The following ZNF474 variants were observed in gnomAD, a reference collection of about 807,000 sequenced individuals.
ZNF474 encodes zinc finger protein 474, also known as 4933409D10Rik.
For missense variants in ZNF474, 511 were observed against 433.8 expected, an observed-to-expected ratio of 1.18 and a Z score of -1.58; for synonymous variants, 192 against 162.2, an observed-to-expected ratio of 1.18 and a Z score of -1.39.
chr5:122,141,314 T>C (rs1002120213), intron 1 of ZNF474, among the ~76,000 whole-genome samples: 2 of 134,880 alleles, frequency 1.5e-5, no homozygotes, highest in Non-Finnish European at 3.1e-5. Flanking sequence ...TTTTTTTTTT[T>C]TTTTTTTTTT....
chr5:122,142,723 G>A (rs1358395839), intron 1 of ZNF474, among the ~76,000 whole-genome samples: 8 of 152,150 alleles, frequency 5.3e-5, no homozygotes, highest in East Asian at 3.9e-4. Context: ...ATGATTCAGC[G>A]ATGTCAAATG....
At chr5:122,147,682 T>C (rs560453973) in intron 1 of ZNF474, among the ~76,000 whole-genome samples, 58 of 152,320 alleles carry the variant, frequency 3.8e-4, no homozygotes, top group African/African-American at 1.3e-3. Flanking sequence ...GCTTTATCCA[T>C]GTCCCTGCAA....
chr5:122,143,377 A>G (rs778835480), intron 1 of ZNF474, among the ~76,000 whole-genome samples: 1 of 152,222 alleles, frequency 6.6e-6, no homozygotes, highest in Non-Finnish European at 1.5e-5. Context: ...GAGTATAAAG[A>G]CAGTGGGAAC....
At chr5:122,149,114 C>T (rs542637079) in intron 1 of ZNF474, among the ~76,000 whole-genome samples, 2 of 152,054 alleles carry the variant, frequency 1.3e-5, no homozygotes, top group East Asian at 1.9e-4. Context: ...GTCAAGTACA[C>T]GTGGGCATAA....
chr5:122,147,270 C>T (rs1357071257), intron 1 of ZNF474, among the ~76,000 whole-genome samples: 2 of 152,190 alleles, frequency 1.3e-5, no homozygotes, highest in Non-Finnish European at 2.9e-5. Context: ...TCAGCCCCAA[C>T]TCCATCTTTC....
chr5:122,139,792 C>A (rs1302274305), intron 1 of ZNF474, among the ~76,000 whole-genome samples: 1 of 152,148 alleles, frequency 6.6e-6, no homozygotes, highest in African/African-American at 2.4e-5. Flanking sequence ...CACATCTGCA[C>A]GTTCCTGCCC....
In ZNF474 at chr5:122,129,600, G is replaced by A. The variant is rs1171275618; in HGVS notation, c.-296G>A. ...AGGAATGTGAATCTTGGAGCTCCCA[G>A]CTATTCTGTTCCTGTTTCTGTCAGC... On this transcript the variant is annotated 5_prime_UTR_variant, in exon 1 of 2. Coordinates refer to ENST00000296600, the MANE Select transcript of ZNF474 (RefSeq NM_207317.3). 2.0e-5 allele frequency: 3 copies of A among 152,180 alleles called. No individual in the cohort carries two copies. Among genetic ancestry groups the A allele is most frequent in the Non-Finnish European group, 4.4e-5 (3 of 68,032 alleles). The allele number at this position is 152,180 out of a possible 1,614,324, so 9.4% of individuals were successfully genotyped here.
At chr5:122,151,290 A>C (rs1756162278) in intron 1 of ZNF474, among the ~76,000 whole-genome samples, 1 of 152,222 alleles carries the variant, frequency 6.6e-6, no homozygotes, top group South Asian at 2.1e-4. Context: ...TGAGAAGTGC[A>C]TAGGCTTCAC....
chr5:122,138,893 A>G (rs1376816411), intron 1 of ZNF474, among the ~76,000 whole-genome samples: 1 of 152,174 alleles, frequency 6.6e-6, no homozygotes, highest in Non-Finnish European at 1.5e-5. Context: ...CTTGACAATC[A>G]AGTATACATA....
chr5:122,145,589 G>C (rs1328065116), intron 1 of ZNF474, among the ~76,000 whole-genome samples: 3 of 152,066 alleles, frequency 2.0e-5, no homozygotes, highest in African/African-American at 7.2e-5. Flanking sequence ...AAAAATACAA[G>C]CATGCTTAGA....
intron 1 of ZNF474, among the ~76,000 whole-genome samples, chr5:122,139,249 G>T (rs1755777324): frequency 6.6e-6 from 1 of 152,162 alleles, no homozygotes; most frequent in Admixed American, 6.5e-5. Flanking sequence ...GCATTTATGT[G>T]TGTTAAGCAG....
intron 1 of ZNF474, among the ~76,000 whole-genome samples, chr5:122,137,883 G>T (rs886583254): frequency 1.3e-5 from 2 of 152,168 alleles, no homozygotes; most frequent in African/African-American, 2.4e-5. Flanking sequence ...ATAGATGAGG[G>T]TTGAGAGCGG....
chr5:122,131,740 T>C (rs1561436031), intron 1 of ZNF474, among the ~76,000 whole-genome samples: 1 of 152,098 alleles, frequency 6.6e-6, no homozygotes, highest in Non-Finnish European at 1.5e-5. Flanking sequence ...ATAATTTGCA[T>C]ATTCCTGATG....
chr5:122,152,656 T>C lies in ZNF474; in HGVS notation c.666T>C (p.Val222=), dbSNP rs771051052. The change falls in exon 2 of 2, where the codon GTT becomes GTC. Residue 222 remains valine (V), a synonymous_variant. Transcript: ENST00000296600. ...CSGTPARPRT[V]ICYICGKEFG... ...GAACCCCAGCCCGACCAAGGACTGT[T>C]ATCTGCTACATATGTGGTAAGGAAT... The C allele has an allele frequency of 3.1e-6, 5 of 1,614,210 alleles. No homozygotes were observed. In the South Asian group the frequency reaches 3.3e-5, roughly 11 times the overall value.
chr5:122,130,666 A>G (rs1391301993), intron 1 of ZNF474, among the ~76,000 whole-genome samples: 3 of 152,010 alleles, frequency 2.0e-5, no homozygotes, highest in Non-Finnish European at 2.9e-5. Context: ...TTTTTCTCCT[A>G]ATTTTATTTT....
intron 1 of ZNF474, among the ~76,000 whole-genome samples, chr5:122,148,535 C>T (rs7715890): frequency 2.3e-3 from 352 of 152,214 alleles, no homozygotes; most frequent in African/African-American, 8.4e-3. Context: ...TTCACTTTTA[C>T]CCTGTGCCCA....
intron 1 of ZNF474, among the ~76,000 whole-genome samples, chr5:122,137,861 G>T (rs966082936): frequency 1.3e-5 from 2 of 152,234 alleles, no homozygotes; most frequent in African/African-American, 4.8e-5. Flanking sequence ...AAATGTGACT[G>T]CTCTGAAAAG....
Position 122,134,617 on chromosome 5 carries a change from G to A in ZNF474, c.-213+4934G>A, listed in dbSNP as rs533320025. 4.6e-5 allele frequency among the ~76,000 whole-genome samples: 7 copies of A among 152,272 alleles called. No individual in the cohort carries two copies. In the East Asian group the frequency reaches 5.8e-4, roughly 13 times the overall value. On this transcript the variant is annotated intron_variant, in intron 1 of 1. Transcript: ENST00000296600. ...AATTTTATTTACAAAAGAGCTGAACGATGGCCAGATTTATCCTGTAGGCCA... is the reference window on the plus strand; with the variant it reads ...AATTTTATTTACAAAAGAGCTGAACAATGGCCAGATTTATCCTGTAGGCCA...
Position 122,153,105 on chromosome 5 carries a change from C to T in ZNF474, c.*20C>T, listed in dbSNP as rs577628826. Reference sequence around the variant, plus strand: ...CTGTAGGGGAACAAGAGAAAACTATCCCCAGAATCAGCCACCTCAGCCCCT... The same window carrying T: ...CTGTAGGGGAACAAGAGAAAACTATTCCCAGAATCAGCCACCTCAGCCCCT... On this transcript the variant is annotated 3_prime_UTR_variant, in exon 2 of 2. Coordinates refer to ENST00000296600, the MANE Select transcript of ZNF474 (RefSeq NM_207317.3). 6.3e-7 allele frequency: 1 copy of T among 1,585,112 alleles called. No homozygotes were observed. The highest frequency in any genetic ancestry group is 2.2e-5 in the East Asian group (1 of 44,544).
Sources: gnomAD v4.1 joint callset for allele counts (sites outside exome capture counted in the v4.1 genomes callset) on GRCh38, gnomAD v4.1.1 for gene constraint, MANE v1.5 for transcripts, NCBI Gene and HGNC (gene_info 2026-07-23, HGNC 2026-07-21) for gene names.